Variants in SNTG1 observed in about 807,000 individuals in gnomAD.
SNTG1 encodes the protein syntrophin gamma 1, also known as gamma-1-syntrophin.
A neutral mutation model predicts 74.7 loss-of-function variants in SNTG1; 39 were observed. The ratio of observed to expected loss-of-function variants is 0.52; its 90% confidence interval spans 0.40 to 0.68. SNTG1 has a LOEUF of 0.68. Among genes scored for constraint, SNTG1 ranks in the 30% least tolerant of loss-of-function variants. SNTG1 has a pLI of 0.00. For missense variants in SNTG1, 685 were observed against 609.5 expected (o/e 1.12, Z -1.30); for synonymous variants, 254 against 217.1 (o/e 1.17, Z -1.49).
At position 50,382,772 on chromosome 8, in the gene SNTG1, A is replaced by G. The variant is rs74838342; in HGVS notation, c.-27-11440A>G. Among the ~76,000 whole-genome samples, 220 of 152,314 alleles carry G rather than the reference A, an allele frequency of 1.4e-3. 1 individual carries two copies. The highest frequency in any genetic ancestry group is 2.6e-3 in the Non-Finnish European group (175 of 68,020). Reference sequence around the variant, plus strand: ...GATTCTCCGGACCAGCTGAAGCAGTAGAATATCTATGTATGTGTACACATA... The same window carrying G: ...GATTCTCCGGACCAGCTGAAGCAGTGGAATATCTATGTATGTGTACACATA... On this transcript the variant is annotated intron_variant, in intron 2 of 18. Transcript: ENST00000642720.
intron 2 of SNTG1, among the ~76,000 whole-genome samples, chr8:50,173,175 G>T (rs562623559): frequency 6.6e-6 from 1 of 152,282 alleles, no homozygotes; most frequent in South Asian, 2.1e-4. Context: ...TTAGTACAAT[G>T]AATCAAATTC....
At chr8:49,935,310 T>A (rs560990335) in intron 1 of SNTG1, among the ~76,000 whole-genome samples, 1 of 150,448 alleles carries the variant, frequency 6.6e-6, no homozygotes, top group South Asian at 2.1e-4. Context: ...GAGAGCAACC[T>A]ACTCCGATGA....
intron 15 of SNTG1, among the ~76,000 whole-genome samples, chr8:50,659,684 C>T (rs1298267627): frequency 1.3e-5 from 2 of 152,104 alleles, no homozygotes; most frequent in African/African-American, 4.8e-5. Context: ...TTGAGTTCTT[C>T]TGTAGGCGTA....
chr8:50,388,083 G>A (rs888988525), intron 2 of SNTG1, among the ~76,000 whole-genome samples: 10 of 152,086 alleles, frequency 6.6e-5, no homozygotes, highest in African/African-American at 2.4e-4. Flanking sequence ...TGAGACTCTG[G>A]GTTTAGTGTT....
chr8:50,574,122 T>G (rs900546842), intron 12 of SNTG1, among the ~76,000 whole-genome samples: 3 of 152,088 alleles, frequency 2.0e-5, no homozygotes, highest in African/African-American at 7.2e-5. Flanking sequence ...TGGGAGTTAT[T>G]TATATTCTAC....
At chr8:50,510,868 T>A (rs1365313974) in intron 9 of SNTG1, among the ~76,000 whole-genome samples, 7 of 152,166 alleles carry the variant, frequency 4.6e-5, no homozygotes, top group African/African-American at 9.7e-5. Flanking sequence ...AAAAACCAGC[T>A]CCTGGATTCA....
At chr8:50,633,184 G>T (rs1563672729) in intron 13 of SNTG1, among the ~76,000 whole-genome samples, 2 of 152,128 alleles carry the variant, frequency 1.3e-5, no homozygotes, top group Non-Finnish European at 2.9e-5. Flanking sequence ...TTGAGAAAAG[G>T]GTATAGGAAG....
At chr8:50,528,365 A>T (rs1286743405) in intron 9 of SNTG1, among the ~76,000 whole-genome samples, 1 of 152,016 alleles carries the variant, frequency 6.6e-6, no homozygotes, top group Non-Finnish European at 1.5e-5. Flanking sequence ...ACAAAAATTG[A>T]TGGTGAATTT....
At chr8:50,775,141 G>A (rs989248147) in intron 18 of SNTG1, among the ~76,000 whole-genome samples, 1 of 151,312 alleles carries the variant, frequency 6.6e-6, no homozygotes, top group Non-Finnish European at 1.5e-5. Flanking sequence ...TGCATTAAAA[G>A]CAAATATATT....
At chr8:50,461,468 T>G (rs1028598407) in intron 8 of SNTG1, among the ~76,000 whole-genome samples, 1 of 152,178 alleles carries the variant, frequency 6.6e-6, no homozygotes, top group Non-Finnish European at 1.5e-5. Flanking sequence ...GAGGGCAGGC[T>G]ATCTACATAA....
At chr8:50,781,244 A>G (rs1314648513) in intron 18 of SNTG1, among the ~76,000 whole-genome samples, 3 of 152,154 alleles carry the variant, frequency 2.0e-5, no homozygotes, top group Admixed American at 6.5e-5. Context: ...GCTGAGTTCA[A>G]TTCCTGGGTA....
chr8:50,080,405 A>C (rs146526928), intron 1 of SNTG1, among the ~76,000 whole-genome samples: 1,573 of 152,290 alleles, frequency 0.01, 4 homozygotes, highest in Non-Finnish European at 0.015. Flanking sequence ...TTACATTTTT[A>C]TCAAGACTGA....
intron 4 of SNTG1, among the ~76,000 whole-genome samples, chr8:50,404,867 A>G (rs1274180789): frequency 6.6e-6 from 1 of 152,024 alleles, no homozygotes; most frequent in African/African-American, 2.4e-5. Flanking sequence ...TCTACATTTG[A>G]CTATTCTGGG....
chr8:50,067,791 C>A (rs941235771), intron 1 of SNTG1, among the ~76,000 whole-genome samples: 4 of 152,100 alleles, frequency 2.6e-5, no homozygotes, highest in African/African-American at 9.7e-5. Flanking sequence ...TAGGGTCACC[C>A]ACAGATGACC....
intron 2 of SNTG1, among the ~76,000 whole-genome samples, chr8:50,380,316 A>G (rs1322072156): frequency 6.6e-6 from 1 of 152,212 alleles, no homozygotes; most frequent in Non-Finnish European, 1.5e-5. Context: ...ATATTTTTCC[A>G]ACAGTCAAGG....
intron 1 of SNTG1, among the ~76,000 whole-genome samples, chr8:49,968,265 A>T (rs1376891876): frequency 6.6e-6 from 1 of 152,132 alleles, no homozygotes; most frequent in Non-Finnish European, 1.5e-5. Flanking sequence ...AGTCTCCAGT[A>T]CTTACCAAAA....
At chr8:50,593,858 C>A (rs574572006) in intron 13 of SNTG1, among the ~76,000 whole-genome samples, 270 of 152,082 alleles carry the variant, frequency 1.8e-3, no homozygotes, top group African/African-American at 6.2e-3. Context: ...GCTGGGATTA[C>A]AGGCATGCAC....
intron 17 of SNTG1, among the ~76,000 whole-genome samples, chr8:50,733,931 G>T (rs1018253615): frequency 6.6e-6 from 1 of 151,294 alleles, no homozygotes; most frequent in African/African-American, 2.4e-5. Context: ...TCATGTCTAG[G>T]ACTTCATATA....
chr8:50,378,136 G>A (rs1478893462), intron 2 of SNTG1, among the ~76,000 whole-genome samples: 1 of 152,214 alleles, frequency 6.6e-6, no homozygotes, highest in Non-Finnish European at 1.5e-5. Flanking sequence ...GAGTGAGCAC[G>A]GGGTTCGGCC....
Sources: allele counts gnomAD v4.1 joint callset (sites outside exome capture counted in the v4.1 genomes callset), GRCh38; gene constraint gnomAD v4.1.1; transcripts MANE v1.5; gene names NCBI Gene and HGNC (gene_info 2026-07-23, HGNC 2026-07-21).